Variants in OAS2 observed in about 807,000 individuals in gnomAD.
OAS2 encodes 2'-5'-oligoadenylate synthetase 2.
A neutral mutation model predicts 71.3 loss-of-function variants in OAS2; 67 were observed. The ratio of observed to expected loss-of-function variants is 0.94; its 90% CI spans 0.77 to 1.15. OAS2 has a LOEUF of 1.15. Among genes scored for constraint, OAS2 ranks in the 50% most tolerant of loss-of-function variants. The pLI, the probability that OAS2 is intolerant of heterozygous loss-of-function variation, is 0.00. For synonymous variants in OAS2, 327 were observed against 321.8 expected, an observed-to-expected ratio of 1.02 and a Z score of -0.17; for missense variants, 789 against 822.5, an observed-to-expected ratio of 0.96 and a Z score of 0.50.
At chr12:112,987,739 C>G in intron 2 of OAS2, 1 of 1,009,938 alleles carries the variant, frequency 9.9e-7, no homozygotes, top group Non-Finnish European at 1.2e-6. Context: ...GAGGATGAGG[C>G]AGACATCTGG....
chr12:112,987,092 G>A lies in OAS2; in HGVS notation c.232G>A (p.Val78Ile). Residue 78 changes from valine to isoleucine, a missense_variant, in exon 2 of 10, where the codon GTC becomes ATC. By Grantham distance (29) the Val-to-Ile change is conservative. Transcript: ENST00000392583. ...AAGAGGCAACTCCGATGGTACCCTTGTCCTCTTCTTCAGTGACTTAAAACA... is the reference window on the plus strand; with the variant it reads ...AAGAGGCAACTCCGATGGTACCCTTATCCTCTTCTTCAGTGACTTAAAACA... ...VLRGNSDGTL[V>I]LFFSDLKQFQ... 6.2e-7 allele frequency: 1 copy of A among 1,614,154 alleles called. No individual in the cohort carries two copies. The highest frequency in any genetic ancestry group is 8.5e-7 in the Non-Finnish European group (1 of 1,180,008).
chr12:112,988,753 A>G (rs1428941805), intron 2 of OAS2: 1 of 983,794 alleles, frequency 1.0e-6, no homozygotes, highest in Non-Finnish European at 1.2e-6. Context: ...CTTTCTGAGG[A>G]TGCCCTACCC....
At chr12:113,003,809 G>A (rs1001695016) in intron 6 of OAS2, among the ~76,000 whole-genome samples, 7 of 152,180 alleles carry the variant, frequency 4.6e-5, no homozygotes, top group Admixed American at 1.3e-4. Flanking sequence ...TATTATGTAC[G>A]CGTAAATTTC....
Position 112,987,047 on chromosome 12 carries a change from T to G in OAS2, c.187T>G (p.Tyr63Asp). 6.2e-7 allele frequency: 1 copy of G among 1,609,650 alleles called. No homozygotes were observed. Among genetic ancestry groups the G allele is most frequent in the Admixed American group, 1.7e-5 (1 of 59,850 alleles). ...TCTTTGTCACTGGCAGGGTGGCTCC[T>G]ATGGACGGAAAACAGTCTTAAGAGG... ...LVQGVAIGGS[Y>D]GRKTVLRGNS... Residue 63 changes from tyrosine to aspartate, a missense_variant, in exon 2 of 10, where the codon TAT (tyrosine) becomes GAT (aspartate). Transcript: ENST00000392583.
Position 112,978,905 on chromosome 12 carries a change from G to A in OAS2, c.177+120G>A. ...GAGGCCCACACTTGGGTGGGATGTG[G>A]TGTAGGAGTCTCAGGCTCTGGAGCA... On this transcript the variant is annotated intron_variant, in intron 1 of 9. Coordinates refer to ENST00000392583, the MANE Select transcript of OAS2 (RefSeq NM_002535.3). The surrounding 1 kb of genome is among the most constrained non-coding windows in gnomAD (Gnocchi z 4.2). 1.1e-6 allele frequency: 1 copy of A among 943,110 alleles called. No individual in the cohort carries two copies. The highest frequency in any genetic ancestry group is 1.6e-6 in the Non-Finnish European group (1 of 639,362). 58.4% of individuals were successfully genotyped at this position (943,110 alleles called of 1,614,324 possible). A position where few individuals can be genotyped will look rare whatever the true frequency, so the allele number is the denominator to read the frequency against.
chr12:112,979,597 C>G (rs2044060773), intron 1 of OAS2, among the ~76,000 whole-genome samples: 1 of 152,200 alleles, frequency 6.6e-6, no homozygotes, highest in Non-Finnish European at 1.5e-5. Context: ...TGTTTAACCA[C>G]TACACTATCC....
chr12:113,005,003 T>G lies in OAS2; in HGVS notation c.1249T>G (p.Ser417Ala). 6.2e-7 allele frequency: 1 copy of G among 1,614,006 alleles called. No homozygotes were observed. Among genetic ancestry groups the G allele is most frequent in the Non-Finnish European group, 8.5e-7 (1 of 1,179,992 alleles). ...TGCCGATCTCGTCGTGTTCCATAAC[T>G]CACTTAAAAGCTACACCTCCCAAAA... ...SDADLVVFHN[S>A]LKSYTSQKNE... The change falls in exon 7 of 10, where the codon TCA (serine) becomes GCA (alanine). Residue 417 changes from serine to alanine, a missense_variant. By Grantham distance (99) the Ser-to-Ala change is moderately conservative. Coordinates refer to ENST00000392583, the MANE Select transcript of OAS2 (RefSeq NM_002535.3).
Position 112,995,287 on chromosome 12 carries a change from T to A in OAS2, c.449-9T>A. 6.3e-7 allele frequency: 1 copy of A among 1,589,910 alleles called. No homozygotes were observed. The highest frequency in any genetic ancestry group is 8.6e-7 in the Non-Finnish European group (1 of 1,169,202). ...AAATAACAACGTTCCAATTTCTGTT[T>A]CACATCAGGCTTAAATGATAATCCC... On this transcript the variant is annotated splice_polypyrimidine_tract_variant and intron_variant, in intron 2 of 9. Transcript: ENST00000392583.
chr12:112,989,445 A>G (rs911067108), intron 2 of OAS2, among the ~76,000 whole-genome samples: 1 of 152,224 alleles, frequency 6.6e-6, no homozygotes, highest in Non-Finnish European at 1.5e-5. Flanking sequence ...TAAGATGTAC[A>G]TTGGTTTGGT....
chr12:112,987,786 T>C (rs2136379923), intron 2 of OAS2: 1 of 992,750 alleles, frequency 1.0e-6, no homozygotes, highest in South Asian at 4.7e-5. Flanking sequence ...GAAGTCTGCC[T>C]TCCTACCAGG....
In OAS2 at chr12:113,005,004, C is replaced by A. The variant is rs1468997735; in HGVS notation, c.1250C>A (p.Ser417Ter). The change falls in exon 7 of 10, where the codon TCA becomes TAA. Residue 417 changes from serine to a stop codon, truncating the protein, a stop_gained. Coordinates refer to ENST00000392583, the MANE Select transcript of OAS2 (RefSeq NM_002535.3). LOFTEE classifies it high-confidence loss of function. ...GCCGATCTCGTCGTGTTCCATAACTCACTTAAAAGCTACACCTCCCAAAAA... is the reference window on the plus strand; with the variant it reads ...GCCGATCTCGTCGTGTTCCATAACTAACTTAAAAGCTACACCTCCCAAAAA... ...SDADLVVFHNSLKSYTSQKNE... is the reference protein window; with the variant it reads ...SDADLVVFHN The A allele has an allele frequency of 1.9e-6, 3 of 1,614,048 alleles. No homozygotes were observed. In the African/African-American group the frequency reaches 4.0e-5, roughly 22 times the overall value.
intron 4 of OAS2, 59 bp downstream of exon 4, chr12:112,997,814 C>G (rs940349510): frequency 7.6e-7 from 1 of 1,311,106 alleles, no homozygotes; most frequent in African/African-American, 1.5e-5. Context: ...AGGCATACCT[C>G]TTTGGAATGA....
chr12:113,000,648 G>A (rs2044277155), intron 5 of OAS2, among the ~76,000 whole-genome samples: 2 of 147,006 alleles, frequency 1.4e-5, no homozygotes, highest in South Asian at 4.3e-4. Flanking sequence ...CTCACACCAT[G>A]CACACACATG....
chr12:112,987,859 C>T (rs2044154348), intron 2 of OAS2: 5 of 986,238 alleles, frequency 5.1e-6, no homozygotes, highest in African/African-American at 1.7e-5. Context: ...GCCTTGAACC[C>T]AACTCCTAAA....
intron 7 of OAS2, 66 bp downstream of exon 7, chr12:113,005,288 C>T (rs1054708632): frequency 5.3e-6 from 8 of 1,500,318 alleles, no homozygotes; most frequent in Non-Finnish European, 7.3e-6. Context: ...AGCCACGTGA[C>T]TTGATTACGG....
At chr12:112,995,912 C>T (rs1298842185) in intron 3 of OAS2, among the ~76,000 whole-genome samples, 1 of 152,118 alleles carries the variant, frequency 6.6e-6, no homozygotes, top group Non-Finnish European at 1.5e-5. Context: ...AGCAATCCTC[C>T]CATCTCAGCC....
chr12:112,989,911 C>T (rs1454675784), intron 2 of OAS2, among the ~76,000 whole-genome samples: 2 of 152,164 alleles, frequency 1.3e-5, no homozygotes, highest in Admixed American at 6.5e-5. Context: ...TCACTAAGTC[C>T]TGCCAGTTCT....
chr12:113,008,205 G>A (rs1426077272), intron 9 of OAS2, among the ~76,000 whole-genome samples: 1 of 152,180 alleles, frequency 6.6e-6, no homozygotes, highest in Non-Finnish European at 1.5e-5. Context: ...AGTTGGAAGT[G>A]TGTCCCTAAG....
chr12:113,010,397 T>A lies in OAS2; in HGVS notation c.*1142T>A. 1 of 1,613,916 alleles carries A rather than the reference T, an allele frequency of 6.2e-7. No individual in the cohort carries two copies. The highest frequency in any genetic ancestry group is 8.5e-7 in the Non-Finnish European group (1 of 1,179,898). On this transcript the variant is annotated 3_prime_UTR_variant, in exon 10 of 10. Coordinates refer to ENST00000392583, the MANE Select transcript of OAS2 (RefSeq NM_002535.3). ...AGACAATGCAGACACCAGGAAGTTG[T>A]GGAGCTAGGATCCATCCTATTGTCA...
Sources: gnomAD v4.1 joint callset for allele counts (sites outside exome capture counted in the v4.1 genomes callset) on GRCh38, gnomAD v4.1.1 for gene constraint, Gnocchi (gnomAD v3.1) non-coding constraint, MANE v1.5 for transcripts, NCBI Gene and HGNC (gene_info 2026-07-23, HGNC 2026-07-21) for gene names.